SGMS1: variants seen among roughly 807,000 people sequenced by gnomAD.
SGMS1 encodes the protein phosphatidylcholine:ceramide cholinephosphotransferase 1.
Under a neutral mutation model 46.2 loss-of-function variants are expected in SGMS1, and 13 were observed. The observed-to-expected ratio is 0.28, with a 90% CI of 0.18 to 0.45. The LOEUF (loss-of-function observed/expected upper bound fraction) is 0.45. SGMS1 is among the 20% of genes least tolerant of loss of function. SGMS1 has a pLI of 1.00. For synonymous variants in SGMS1, 203 were observed against 187.8 expected (o/e 1.08, Z -0.66); for missense variants, 324 against 519.9 (o/e 0.62, Z 3.66).
At chr10:50,470,811 A>C (rs1314397803) in intron 3 of SGMS1, among the ~76,000 whole-genome samples, 1 of 152,140 alleles carries the variant, frequency 6.6e-6, no homozygotes. Context: ...AGAGAAAACA[A>C]AAAATAAAAA....
intron 2 of SGMS1, among the ~76,000 whole-genome samples, chr10:50,525,686 G>A (rs901096791): frequency 6.6e-6 from 1 of 152,182 alleles, no homozygotes; most frequent in South Asian, 2.1e-4. Context: ...AGAAAGTTTT[G>A]TCTAGGGAAA....
chr10:50,350,575 C>T (rs576794987), intron 6 of SGMS1, among the ~76,000 whole-genome samples: 24 of 152,270 alleles, frequency 1.6e-4, no homozygotes, highest in South Asian at 4.1e-4. Flanking sequence ...CCAGGGTCCC[C>T]GTGCTGTGTG....
chr10:50,446,327 A>T (rs189414135), intron 5 of SGMS1, among the ~76,000 whole-genome samples: 1 of 152,094 alleles, frequency 6.6e-6, no homozygotes, highest in African/African-American at 2.4e-5. Context: ...ACCTGCCAAC[A>T]TGTGATGTCT....
At chr10:50,543,204 T>C (rs1838071650) in intron 2 of SGMS1, among the ~76,000 whole-genome samples, 1 of 152,176 alleles carries the variant, frequency 6.6e-6, no homozygotes, top group African/African-American at 2.4e-5. Flanking sequence ...AATGAGTATG[T>C]GGCAAGGCTG....
At chr10:50,572,059 C>G (rs1838341125) in intron 2 of SGMS1, among the ~76,000 whole-genome samples, 1 of 152,184 alleles carries the variant, frequency 6.6e-6, no homozygotes, top group African/African-American at 2.4e-5. Flanking sequence ...AGGTCAGCCA[C>G]CTATCTCTTT....
intron 6 of SGMS1, among the ~76,000 whole-genome samples, chr10:50,344,558 G>T (rs1847882791): frequency 6.6e-6 from 1 of 152,272 alleles, no homozygotes; most frequent in East Asian, 1.9e-4. Context: ...GTTGTCAAAG[G>T]AGACATATTT....
At position 50,482,507 on chromosome 10, in the gene SGMS1, T is replaced by A. The variant is rs537662096; in HGVS notation, c.-497-15575A>T. Among the ~76,000 whole-genome samples, 7 of 152,316 alleles carry A rather than the reference T, an allele frequency of 4.6e-5. No homozygotes were observed. In the South Asian group the frequency reaches 1.4e-3, roughly 32 times the overall value. ...CTTTTCGAAACACTGAGGGAATTTG[T>A]CATCACCAGGCCTGCCTTGCGAGAA... On this transcript the variant is annotated intron_variant, in intron 3 of 10. Coordinates refer to ENST00000361781, the MANE Select transcript of SGMS1 (RefSeq NM_147156.4).
At chr10:50,512,586 C>A (rs768478180) in intron 3 of SGMS1, among the ~76,000 whole-genome samples, 1 of 152,150 alleles carries the variant, frequency 6.6e-6, no homozygotes, top group African/African-American at 2.4e-5. Flanking sequence ...TGGGTCCTAT[C>A]CTGCAATGCC....
intron 6 of SGMS1, among the ~76,000 whole-genome samples, chr10:50,417,206 A>G (rs1849183501): frequency 6.6e-6 from 1 of 152,116 alleles, no homozygotes; most frequent in Non-Finnish European, 1.5e-5. Context: ...TTGCAAGAAA[A>G]TAAGTTACTT....
At chr10:50,568,989 T>A (rs976468304) in intron 2 of SGMS1, among the ~76,000 whole-genome samples, 4 of 152,076 alleles carry the variant, frequency 2.6e-5, no homozygotes. Context: ...TGAGTTCATG[T>A]CCTTTGTAGG....
chr10:50,420,755 CTT>C (rs1296449578), intron 6 of SGMS1, among the ~76,000 whole-genome samples: 2 of 152,152 alleles, frequency 1.3e-5, no homozygotes, highest in Admixed American at 6.5e-5. Flanking sequence ...ACTCCATAAA[CTT>C]AACACTGCAG....
chr10:50,341,234 G>A, intron 7 of SGMS1: 1 of 434,064 alleles, frequency 2.3e-6, no homozygotes, highest in South Asian at 1.6e-5. Flanking sequence ...ATGAGAGCCA[G>A]GAAAAGGTAG....
intron 8 of SGMS1, 59 bp from the exon 9 acceptor site, chr10:50,311,474 T>G (rs1847250659): frequency 6.5e-7 from 1 of 1,535,860 alleles, no homozygotes; most frequent in Non-Finnish European, 8.9e-7. Context: ...CATGAAAATG[T>G]GCGAAGATTA....
intron 3 of SGMS1, among the ~76,000 whole-genome samples, chr10:50,497,610 T>C (rs1012636209): frequency 6.6e-6 from 1 of 152,082 alleles, no homozygotes; most frequent in Non-Finnish European, 1.5e-5. Context: ...CTGGCCAACA[T>C]AGTGAAACCC....
At chr10:50,337,752 T>C (rs1847738823) in intron 7 of SGMS1, among the ~76,000 whole-genome samples, 1 of 152,032 alleles carries the variant, frequency 6.6e-6, no homozygotes, top group African/African-American at 2.4e-5. Context: ...ACAAAGATTA[T>C]GCTTGGAAAT....
chr10:50,565,468 G>C (rs566388858), intron 2 of SGMS1, among the ~76,000 whole-genome samples: 28 of 152,204 alleles, frequency 1.8e-4, no homozygotes, highest in African/African-American at 6.5e-4. Context: ...GAAAGCATTT[G>C]TCAATGCCAC....
rs571183851 is a variant in SGMS1, at chr10:50,468,683, C to T, written c.-497-1751G>A. ...CCATGACAGTGTCATCTTCAAATGG[C>T]ATGCCACACCTGCATGAATATTTAA... On this transcript the variant is annotated intron_variant, in intron 3 of 10. Transcript: ENST00000361781. 9.9e-5 allele frequency among the ~76,000 whole-genome samples: 15 copies of T among 152,254 alleles called. 1 individual carries two copies. In the East Asian group the frequency reaches 2.9e-3, roughly 29 times the overall value.
At chr10:50,498,851 T>C (rs1228564558) in intron 3 of SGMS1, among the ~76,000 whole-genome samples, 2 of 152,218 alleles carry the variant, frequency 1.3e-5, no homozygotes, top group Admixed American at 6.5e-5. Flanking sequence ...CTGGATTATA[T>C]GGTAGTTCTA....
chr10:50,373,028 C>T (rs2133450139), intron 6 of SGMS1, among the ~76,000 whole-genome samples: 1 of 152,198 alleles, frequency 6.6e-6, no homozygotes, highest in South Asian at 2.1e-4. Flanking sequence ...TATATATAGC[C>T]ATCTTCCACA....
Sources: gnomAD v4.1 joint callset for allele counts (sites outside exome capture counted in the v4.1 genomes callset) on GRCh38, gnomAD v4.1.1 for gene constraint, MANE v1.5 for transcripts, NCBI Gene and HGNC (gene_info 2026-07-23, HGNC 2026-07-21) for gene names.